Variants in KLHL29 observed in about 807,000 individuals in gnomAD.
KLHL29 encodes kelch like family member 29.
Under a neutral mutation model 80.4 loss-of-function variants are expected in KLHL29, and 21 were observed. That is an observed-to-expected ratio of 0.26 (90% CI 0.19 to 0.38). The LOEUF (loss-of-function observed/expected upper bound fraction) is 0.38, where lower values mean the gene tolerates loss of function less well. Among genes scored for constraint, KLHL29 ranks in the 10% least tolerant of loss-of-function variants. The pLI is 1.00. For synonymous variants in KLHL29, 511 were observed against 526.8 expected (o/e 0.97, Z 0.41); for missense variants, 867 against 1,223.9 (o/e 0.71, Z 4.35).
chr2:23,496,236 C>T (rs1201303613), intron 2 of KLHL29, among the ~76,000 whole-genome samples: 1 of 152,196 alleles, frequency 6.6e-6, no homozygotes, highest in Non-Finnish European at 1.5e-5. Context: ...TCCTTAGACA[C>T]GAGACAGCCC....
chr2:23,631,448 C>T (rs930745018), intron 3 of KLHL29, among the ~76,000 whole-genome samples: 1 of 152,190 alleles, frequency 6.6e-6, no homozygotes, highest in African/African-American at 2.4e-5. Flanking sequence ...TTCCGGCATG[C>T]GAGCCAGAAG....
intron 3 of KLHL29, among the ~76,000 whole-genome samples, chr2:23,574,443 G>A (rs374883111): frequency 5.3e-5 from 8 of 152,184 alleles, no homozygotes; most frequent in Non-Finnish European, 8.8e-5. Flanking sequence ...CCGGGCTGTT[G>A]TGGGGTCTAA....
At chr2:23,517,722 G>A (rs913371489) in intron 2 of KLHL29, among the ~76,000 whole-genome samples, 1 of 152,170 alleles carries the variant, frequency 6.6e-6, no homozygotes, top group Non-Finnish European at 1.5e-5. Context: ...CACTCCCGCT[G>A]AATGGATGGC....
intron 3 of KLHL29, among the ~76,000 whole-genome samples, chr2:23,609,004 G>A (rs1668794162): frequency 6.6e-6 from 1 of 152,216 alleles, no homozygotes; most frequent in Non-Finnish European, 1.5e-5. Context: ...TAGTATGAGA[G>A]CTCATTCGAG....
chr2:23,472,750 G>C (rs1021092561), intron 1 of KLHL29, among the ~76,000 whole-genome samples: 5 of 152,100 alleles, frequency 3.3e-5, no homozygotes, highest in African/African-American at 1.2e-4. Context: ...TTGAATGTTG[G>C]CCTAAAAAGA....
At chr2:23,502,395 A>C (rs557285215) in intron 2 of KLHL29, among the ~76,000 whole-genome samples, 2 of 152,350 alleles carry the variant, frequency 1.3e-5, no homozygotes, top group Middle Eastern at 3.4e-3. Context: ...TCGGAGGCTC[A>C]CTAGTGGGCG....
chr2:23,547,105 C>T lies in KLHL29; in HGVS notation c.-45-15047C>T, dbSNP rs184143182. 6.1e-3 allele frequency among the ~76,000 whole-genome samples: 934 copies of T among 152,304 alleles called. 12 individuals carry two copies. The highest frequency in any genetic ancestry group is 0.021 in the African/African-American group (875 of 41,556). On this transcript the variant is annotated intron_variant, in intron 2 of 13. Transcript: ENST00000486442. ...CACAGTGCCACAGCGGAAGGAGGGC[C>T]GGCACCGGGTCTCTGCACACGGAGG...
chr2:23,678,492 A>G (rs72796106), intron 5 of KLHL29, among the ~76,000 whole-genome samples: 2 of 152,192 alleles, frequency 1.3e-5, no homozygotes, highest in Non-Finnish European at 2.9e-5. Flanking sequence ...CACGTGGAGC[A>G]GAAATGAGTT....
intron 5 of KLHL29, among the ~76,000 whole-genome samples, chr2:23,676,130 A>C (rs1282178254): frequency 1.3e-5 from 2 of 152,096 alleles, no homozygotes; most frequent in African/African-American, 4.8e-5. Context: ...CACAGGAGAG[A>C]GTGAAGTTAA....
chr2:23,434,064 G>A (rs1486815985), intron 1 of KLHL29, among the ~76,000 whole-genome samples: 1 of 152,188 alleles, frequency 6.6e-6, no homozygotes. Context: ...GCTCACGCCT[G>A]TAATCCCAGC....
At chr2:23,456,927 A>C (rs1664071033) in intron 1 of KLHL29, among the ~76,000 whole-genome samples, 1 of 152,052 alleles carries the variant, frequency 6.6e-6, no homozygotes, top group East Asian at 1.9e-4. Context: ...GCAGAGGGAG[A>C]AAAAAGGTGG....
Position 23,684,095 on chromosome 2 carries a change from G to A in KLHL29, c.941-304G>A, listed in dbSNP as rs970650632. ...TAATGTATTCTCTATGTTTCCAATC[G>A]TCAGTATGGGAATCTCTCCCCCAAC... On this transcript the variant is annotated intron_variant, in intron 5 of 13. Coordinates refer to ENST00000486442, the MANE Select transcript of KLHL29 (RefSeq NM_052920.2). The surrounding 1 kb of genome is among the most constrained non-coding windows in gnomAD (Gnocchi z 4.4). 6.6e-6 allele frequency among the ~76,000 whole-genome samples: 1 copy of A among 152,066 alleles called. No individual in the cohort carries two copies. The highest frequency in any genetic ancestry group is 1.5e-5 in the Non-Finnish European group (1 of 68,012).
intron 1 of KLHL29, among the ~76,000 whole-genome samples, chr2:23,424,271 AGTGTGCAC>A (rs1359387709): frequency 6.6e-6 from 1 of 152,144 alleles, no homozygotes; most frequent in Non-Finnish European, 1.5e-5. Context: ...GGAGCCTCTG[AGTGTGCAC>A]GTGTGCATGT....
Position 23,684,976 on chromosome 2 carries a change from A to G in KLHL29, c.1079+439A>G, listed in dbSNP as rs1671198067. 6.6e-6 allele frequency among the ~76,000 whole-genome samples: 1 copy of G among 152,216 alleles called. No homozygotes were observed. The highest frequency in any genetic ancestry group is 1.5e-5 in the Non-Finnish European group (1 of 68,040). The stretch of plus-strand genomic sequence containing the variant: ...GCTGTCGGTGGTGACTAATGCCAGG[A>G]AAGCGCATCGGCCAGGCTGTCCCTG... On this transcript the variant is annotated intron_variant, in intron 6 of 13. Coordinates refer to ENST00000486442, the MANE Select transcript of KLHL29 (RefSeq NM_052920.2). The surrounding 1 kb of genome is among the most constrained non-coding windows in gnomAD (Gnocchi z 4.4).
At chr2:23,501,891 G>A (rs750887169) in intron 2 of KLHL29, among the ~76,000 whole-genome samples, 2 of 151,940 alleles carry the variant, frequency 1.3e-5, no homozygotes, top group Non-Finnish European at 2.9e-5. Context: ...CCCTTCCCAG[G>A]CATCCCCCTG....
intron 6 of KLHL29, among the ~76,000 whole-genome samples, chr2:23,687,401 T>C (rs940593040): frequency 6.6e-6 from 1 of 152,154 alleles, no homozygotes; most frequent in Admixed American, 6.5e-5. Context: ...CACCCAAGCC[T>C]GGCAAGGACG....
chr2:23,476,573 A>G (rs1664648478), intron 2 of KLHL29, among the ~76,000 whole-genome samples: 1 of 152,186 alleles, frequency 6.6e-6, no homozygotes, highest in South Asian at 2.1e-4. Flanking sequence ...AGAAATCTAT[A>G]TCACCATTTT....
chr2:23,583,957 G>A (rs898878578), intron 3 of KLHL29, among the ~76,000 whole-genome samples: 27 of 152,292 alleles, frequency 1.8e-4, no homozygotes, highest in African/African-American at 6.0e-4. Context: ...ACTCCTTCCC[G>A]TTAAAGACTG....
At chr2:23,448,801 G>C (rs1345367409) in intron 1 of KLHL29, among the ~76,000 whole-genome samples, 1 of 152,140 alleles carries the variant, frequency 6.6e-6, no homozygotes, top group East Asian at 1.9e-4. Flanking sequence ...GCCTGTGCTT[G>C]CCAGAGAACG....
Sources: gnomAD v4.1 joint callset for allele counts (sites outside exome capture counted in the v4.1 genomes callset) on GRCh38, gnomAD v4.1.1 for gene constraint, Gnocchi (gnomAD v3.1) non-coding constraint, MANE v1.5 for transcripts, NCBI Gene and HGNC (gene_info 2026-07-23, HGNC 2026-07-21) for gene names.